Variants in TTC28 observed in about 807,000 individuals in gnomAD.
The protein encoded by TTC28 is tetratricopeptide repeat domain 28.
In TTC28, 61 loss-of-function variants were observed where a neutral mutation model predicts 198.0. That is an observed-to-expected ratio of 0.31 (90% CI 0.25 to 0.38). TTC28 has a LOEUF of 0.38. Ranked by LOEUF, TTC28 falls within the 10% of genes least tolerant of loss-of-function variation. TTC28 has a pLI of 1.00. For missense variants in TTC28, 2,678 were observed against 3,164.0 expected, an observed-to-expected ratio of 0.85 and a Z score of 3.69; for synonymous variants, 1,171 against 1,297.8, an observed-to-expected ratio of 0.90 and a Z score of 2.10.
chr22:28,399,084 T>A (rs1601340041), intron 2 of TTC28, among the ~76,000 whole-genome samples: 2 of 151,748 alleles, frequency 1.3e-5, no homozygotes, highest in South Asian at 4.2e-4. Flanking sequence ...ATGGTGTTGA[T>A]CCTAATATAT....
intron 2 of TTC28, among the ~76,000 whole-genome samples, chr22:28,405,129 A>G (rs1320015000): frequency 6.6e-6 from 1 of 152,208 alleles, no homozygotes; most frequent in East Asian, 1.9e-4. Flanking sequence ...AAAGGATCAT[A>G]TGTCAGTTTT....
chr22:28,286,765 A>C (rs774823798), intron 5 of TTC28, among the ~76,000 whole-genome samples: 18 of 152,122 alleles, frequency 1.2e-4, no homozygotes, highest in Non-Finnish European at 2.5e-4. Context: ...GGGAAAAATA[A>C]AATTTAAAAA....
In TTC28 at chr22:28,152,906, A is replaced by G. The variant is rs542906249; in HGVS notation, c.1441+10186T>C. Among the ~76,000 whole-genome samples, 216 of 152,330 alleles carry G rather than the reference A, an allele frequency of 1.4e-3. 1 individual carries two copies. The highest frequency in any genetic ancestry group is 4.8e-3 in the African/African-American group (201 of 41,596). On this transcript the variant is annotated intron_variant, in intron 6 of 22. Transcript: ENST00000397906. ...AAAGAGAGTTATTGCTATATTATAG[A>G]AAAATTTTTCTCCTACAAAAGTAAT...
At chr22:28,196,293 G>GTTATTCATAATAATTCAATT in intron 5 of TTC28, among the ~76,000 whole-genome samples, 1 of 151,902 alleles carries the variant, frequency 6.6e-6, no homozygotes, top group South Asian at 2.1e-4. Flanking sequence ...AATTCAAGAT[G>GTTATTCATAATAATTCAATT]GGATAAAAGA....
At chr22:28,563,973 T>A (rs926527631) in intron 2 of TTC28, among the ~76,000 whole-genome samples, 1 of 152,152 alleles carries the variant, frequency 6.6e-6, no homozygotes, top group Admixed American at 6.5e-5. Flanking sequence ...TAAAAAGGAA[T>A]GTAGTACACT....
intron 2 of TTC28, among the ~76,000 whole-genome samples, chr22:28,342,532 G>A (rs566113063): frequency 2.8e-4 from 43 of 151,638 alleles, no homozygotes; most frequent in Non-Finnish European, 4.3e-4. Flanking sequence ...TTTTATTTTC[G>A]GCTTAAATTG....
chr22:27,990,928 G>T, intron 19 of TTC28, 116 bp from the exon 20 acceptor site: 1 of 1,054,298 alleles, frequency 9.5e-7, no homozygotes, highest in Non-Finnish European at 1.4e-6. Context: ...GCCACACCAG[G>T]CCCGCGGCTC....
intron 2 of TTC28, among the ~76,000 whole-genome samples, chr22:28,576,697 C>T (rs1461500471): frequency 6.6e-6 from 1 of 152,046 alleles, no homozygotes; most frequent in Non-Finnish European, 1.5e-5. Flanking sequence ...TCAATTTCTT[C>T]ATGGCTCAAT....
intron 2 of TTC28, among the ~76,000 whole-genome samples, chr22:28,542,632 A>G (rs2049440682): frequency 2.0e-5 from 3 of 152,110 alleles, no homozygotes; most frequent in Admixed American, 2.0e-4. Flanking sequence ...AATAATAAAG[A>G]GCTTTCAGGT....
chr22:28,361,540 G>C (rs561607161), intron 2 of TTC28, among the ~76,000 whole-genome samples: 1 of 152,052 alleles, frequency 6.6e-6, no homozygotes. Flanking sequence ...GAGGTTTAAG[G>C]AAAAAAGCTG....
chr22:28,658,407 A>C (rs13055649), intron 1 of TTC28, among the ~76,000 whole-genome samples: 7,576 of 152,298 alleles, frequency 0.05, 267 homozygotes, highest in African/African-American at 0.095. Context: ...GCAAGGAGTA[A>C]AAAATCTTCA....
chr22:28,543,140 G>C (rs552894536), intron 2 of TTC28, among the ~76,000 whole-genome samples: 1 of 152,256 alleles, frequency 6.6e-6, no homozygotes, highest in African/African-American at 2.4e-5. Flanking sequence ...TCTGAGACCA[G>C]CCTGGGCAAC....
At chr22:28,199,867 T>C (rs1285459153) in intron 5 of TTC28, among the ~76,000 whole-genome samples, 1 of 151,966 alleles carries the variant, frequency 6.6e-6, no homozygotes, top group African/African-American at 2.4e-5. Flanking sequence ...GTACATTCAT[T>C]TTATCTGTAA....
intron 2 of TTC28, among the ~76,000 whole-genome samples, chr22:28,315,640 G>C (rs1454273199): frequency 6.6e-6 from 1 of 152,076 alleles, no homozygotes; most frequent in Non-Finnish European, 1.5e-5. Context: ...AAAAGAGTAA[G>C]TTCCTTTCTT....
chr22:28,076,414 G>A (rs977550884), intron 12 of TTC28, among the ~76,000 whole-genome samples: 16 of 151,986 alleles, frequency 1.1e-4, no homozygotes, highest in Non-Finnish European at 1.9e-4. Context: ...TTGCAATCCT[G>A]GTTTTGTAAT....
At chr22:28,587,252 A>C (rs2050335093) in intron 2 of TTC28, among the ~76,000 whole-genome samples, 1 of 152,194 alleles carries the variant, frequency 6.6e-6, no homozygotes, top group Admixed American at 6.5e-5. Flanking sequence ...TCATCCACTC[A>C]GGAGGCTGAG....
At chr22:28,030,003 T>C (rs909727900) in intron 13 of TTC28, among the ~76,000 whole-genome samples, 33 of 152,240 alleles carry the variant, frequency 2.2e-4, no homozygotes, top group Admixed American at 2.2e-3. Flanking sequence ...ATGAGGATTG[T>C]CACATCAAGC....
Position 28,001,063 on chromosome 22 carries a change from CA to C in TTC28, c.4398+310del, listed in dbSNP as rs1213832394. 3 of 243,948 alleles carry C rather than the reference CA, an allele frequency of 1.2e-5. No individual in the cohort carries two copies. In the Admixed American group the frequency reaches 1.4e-4, roughly 11 times the overall value. 15.1% of individuals were successfully genotyped at this position (243,948 alleles called of 1,614,324 possible). A position where few individuals can be genotyped will look rare whatever the true frequency, so the allele number is the denominator to read the frequency against. ...TGGGTGACCAGCCCCCTCAGGTGCT[CA>C]GCCAGGCCTCAAGCCTTGCTGTGTA... On this transcript the variant is annotated intron_variant, in intron 15 of 22. Transcript: ENST00000397906.
chr22:28,657,586 T>A (rs1601671868), intron 1 of TTC28, among the ~76,000 whole-genome samples: 1 of 152,208 alleles, frequency 6.6e-6, no homozygotes, highest in East Asian at 1.9e-4. Flanking sequence ...TTTTCTAAAT[T>A]ATTATTTCTG....
Sources: allele counts gnomAD v4.1 joint callset (sites outside exome capture counted in the v4.1 genomes callset), GRCh38; gene constraint gnomAD v4.1.1; transcripts MANE v1.5; gene names NCBI Gene and HGNC (gene_info 2026-07-23, HGNC 2026-07-21).